KATNIP: variants seen among roughly 807,000 people sequenced by gnomAD.
KATNIP encodes katanin interacting protein.
A neutral mutation model predicts 174.0 loss-of-function variants in KATNIP; 126 were observed. The observed-to-expected ratio is 0.72, with a 90% CI of 0.63 to 0.84. The LOEUF (loss-of-function observed/expected upper bound fraction) is 0.84. Ranked by LOEUF, KATNIP falls within the 40% of genes least tolerant of loss-of-function variation. The pLI, the probability that KATNIP is intolerant of heterozygous loss-of-function variation, is 0.00. For synonymous variants in KATNIP, 810 were observed against 835.7 expected (o/e 0.97, Z 0.53); for missense variants, 1,958 against 2,109.7 (o/e 0.93, Z 1.41).
intron 15 of KATNIP, among the ~76,000 whole-genome samples, chr16:27,747,883 A>G (rs1286045501): frequency 1.3e-5 from 2 of 151,992 alleles, no homozygotes; most frequent in African/African-American, 4.8e-5. Flanking sequence ...CAGGTAGGAG[A>G]GATTTATGCA....
At chr16:27,732,556 C>T (rs1475643228) in intron 14 of KATNIP, among the ~76,000 whole-genome samples, 1 of 152,174 alleles carries the variant, frequency 6.6e-6, no homozygotes, top group Non-Finnish European at 1.5e-5. Flanking sequence ...AACCAGGTTG[C>T]AAGCCCAACC....
At chr16:27,572,718 G>T (rs1162038298) in intron 1 of KATNIP, among the ~76,000 whole-genome samples, 1 of 152,204 alleles carries the variant, frequency 6.6e-6, no homozygotes, top group Non-Finnish European at 1.5e-5. Context: ...GGGAGAGGAA[G>T]AGAGAGGAGG....
intron 2 of KATNIP, among the ~76,000 whole-genome samples, chr16:27,575,880 T>C (rs2090479067): frequency 6.6e-6 from 1 of 152,030 alleles, no homozygotes; most frequent in Non-Finnish European, 1.5e-5. Flanking sequence ...AAAGCCAGGG[T>C]GGATTTTCCC....
At chr16:27,623,857 A>G (rs2076260318) in intron 3 of KATNIP, among the ~76,000 whole-genome samples, 1 of 152,136 alleles carries the variant, frequency 6.6e-6, no homozygotes, top group Non-Finnish European at 1.5e-5. Flanking sequence ...CCCTCTGAGA[A>G]CACAGTGACC....
At position 27,662,039 on chromosome 16, in the gene KATNIP, T is replaced by C. The variant is rs56403654; in HGVS notation, c.540+13304T>C. Among the ~76,000 whole-genome samples, 36 of 33,678 alleles carry C rather than the reference T, an allele frequency of 1.1e-3. 13 individuals carry two copies. Among genetic ancestry groups the C allele is most frequent in the African/African-American group, 4.5e-3 (26 of 5,830 alleles). The allele number at this position is 33,678 out of a possible 152,430, so 22.1% of individuals were successfully genotyped here. A position where few individuals can be genotyped will look rare whatever the true frequency, so the allele number is the denominator to read the frequency against. ...ATACACATACATATATATATATATA[T>C]ATACACATACATATATATATATATA... On this transcript the variant is annotated intron_variant, in intron 6 of 27. Coordinates refer to ENST00000261588, the MANE Select transcript of KATNIP (RefSeq NM_015202.5).
intron 11 of KATNIP, among the ~76,000 whole-genome samples, chr16:27,702,767 A>C (rs574798211): frequency 6.6e-6 from 1 of 152,226 alleles, no homozygotes; most frequent in Non-Finnish European, 1.5e-5. Flanking sequence ...AAAACTGAAT[A>C]GGCTAAAGGC....
At chr16:27,720,206 T>C (rs1250964549) in intron 13 of KATNIP, among the ~76,000 whole-genome samples, 1 of 152,134 alleles carries the variant, frequency 6.6e-6, no homozygotes, top group East Asian at 1.9e-4. Context: ...TTCTCCTGCC[T>C]CCGCCTCCTG....
chr16:27,625,137 C>G (rs1245834506), intron 3 of KATNIP, among the ~76,000 whole-genome samples: 4 of 152,196 alleles, frequency 2.6e-5, no homozygotes, highest in African/African-American at 9.7e-5. Context: ...AAACACTTTT[C>G]TTTGATGCCA....
intron 5 of KATNIP, among the ~76,000 whole-genome samples, chr16:27,645,700 A>G (rs1366439408): frequency 1.3e-5 from 2 of 152,212 alleles, no homozygotes; most frequent in Non-Finnish European, 2.9e-5. Context: ...TCATTCTCAC[A>G]AGATGACTGC....
chr16:27,738,341 C>G (rs531080711), intron 14 of KATNIP, among the ~76,000 whole-genome samples: 2 of 152,118 alleles, frequency 1.3e-5, no homozygotes, highest in Admixed American at 1.3e-4. Context: ...TACGTTTGTT[C>G]TCTTGAGTGT....
intron 2 of KATNIP, among the ~76,000 whole-genome samples, chr16:27,591,094 T>C (rs2075146718): frequency 6.6e-6 from 1 of 152,208 alleles, no homozygotes; most frequent in African/African-American, 2.4e-5. Context: ...TCTGGAAAAG[T>C]TCATCTTTCT....
At chr16:27,748,659 G>A (rs1267866298) in intron 15 of KATNIP, among the ~76,000 whole-genome samples, 1 of 151,152 alleles carries the variant, frequency 6.6e-6, no homozygotes, top group East Asian at 1.9e-4. Context: ...GTGGTCATGT[G>A]TATAATCCCA....
intron 18 of KATNIP, among the ~76,000 whole-genome samples, chr16:27,760,343 A>T (rs1285250735): frequency 6.6e-6 from 1 of 152,182 alleles, no homozygotes; most frequent in Non-Finnish European, 1.5e-5. Context: ...TTAAGGAAAG[A>T]GACGTTCCAG....
rs1197263071 is a variant in KATNIP at position 27,637,748 on chromosome 16, G to T, written c.408+6586G>T. The stretch of plus-strand genomic sequence containing the variant: ...AAGTAGGAAGAACCGGCCATGCAGG[G>T]CCTAGAAGACCACAGGAGGAAGTTT... On this transcript the variant is annotated intron_variant, in intron 5 of 27. Transcript: ENST00000261588. The surrounding 1 kb of genome is among the most constrained non-coding windows in gnomAD (Gnocchi z 4.7). 3.3e-5 allele frequency among the ~76,000 whole-genome samples: 5 copies of T among 152,172 alleles called. No homozygotes were observed. The highest frequency in any genetic ancestry group is 1.2e-4 in the African/African-American group (5 of 41,442).
chr16:27,710,448 C>G (rs2079524315), intron 13 of KATNIP, among the ~76,000 whole-genome samples: 2 of 152,200 alleles, frequency 1.3e-5, no homozygotes, highest in African/African-American at 4.8e-5. Flanking sequence ...AAGTTGCACA[C>G]AAGAGACTGT....
intron 2 of KATNIP, among the ~76,000 whole-genome samples, chr16:27,615,332 T>TTTA (rs1039359833): frequency 6.7e-6 from 1 of 150,192 alleles, no homozygotes; most frequent in Non-Finnish European, 1.5e-5. Context: ...GGGAATCTTT[T>TTTA]TTATTATTAT....
intron 8 of KATNIP, among the ~76,000 whole-genome samples, chr16:27,695,916 C>T (rs555878240): frequency 9.8e-5 from 15 of 152,338 alleles, no homozygotes; most frequent in East Asian, 5.8e-4. Flanking sequence ...CTCGTCATCA[C>T]CCCTACCCAT....
intron 2 of KATNIP, among the ~76,000 whole-genome samples, chr16:27,591,271 G>A (rs553790303): frequency 5.3e-5 from 8 of 151,380 alleles, no homozygotes; most frequent in Non-Finnish European, 1.0e-4. Context: ...TGCACCCTCC[G>A]CCTCCCGGGT....
chr16:27,714,316 G>T (rs1208217715), intron 13 of KATNIP, among the ~76,000 whole-genome samples: 1 of 151,862 alleles, frequency 6.6e-6, no homozygotes, highest in Non-Finnish European at 1.5e-5. Flanking sequence ...ATTCTTATCT[G>T]TCCTGTTTAC....
Sources: allele counts gnomAD v4.1 joint callset (sites outside exome capture counted in the v4.1 genomes callset), GRCh38; gene constraint gnomAD v4.1.1; non-coding constraint Gnocchi (gnomAD v3.1); transcripts MANE v1.5; gene names NCBI Gene and HGNC (gene_info 2026-07-23, HGNC 2026-07-21).